APBA2: variants seen among roughly 807,000 people sequenced by gnomAD.
APBA2 encodes amyloid-beta A4 precursor protein-binding family A member 2.
A neutral mutation model predicts 75.0 loss-of-function variants in APBA2; 30 were observed. The ratio of observed to expected loss-of-function variants is 0.40; its 90% CI spans 0.30 to 0.54. The LOEUF (loss-of-function observed/expected upper bound fraction) is 0.54, where lower values mean the gene tolerates loss of function less well. APBA2 is among the 20% of genes least tolerant of loss of function. The pLI, the probability that APBA2 is intolerant of heterozygous loss-of-function variation, is 0.49. For missense variants in APBA2, 801 were observed against 1,016.1 expected (o/e 0.79, Z 2.88); for synonymous variants, 444 against 409.6 (o/e 1.08, Z -1.01).
chr15:28,908,561 C>G (rs887632438), intron 1 of APBA2, among the ~76,000 whole-genome samples: 3 of 151,918 alleles, frequency 2.0e-5, no homozygotes, highest in African/African-American at 7.3e-5. Context: ...CACCCGCCTC[C>G]GCCTGTCAAA....
chr15:29,116,274 G>T (rs1039652570), intron 14 of APBA2, among the ~76,000 whole-genome samples: 6 of 152,084 alleles, frequency 3.9e-5, no homozygotes, highest in African/African-American at 1.4e-4. Flanking sequence ...GGTGCCCTGG[G>T]CCCCAGCGAG....
chr15:28,959,437 C>T (rs2036348349), intron 2 of APBA2, among the ~76,000 whole-genome samples: 1 of 152,206 alleles, frequency 6.6e-6, no homozygotes, highest in South Asian at 2.1e-4. Context: ...TTAATCCAAT[C>T]TGACTGATGT....
chr15:28,939,218 C>T (rs965807625), intron 2 of APBA2, among the ~76,000 whole-genome samples: 1 of 152,196 alleles, frequency 6.6e-6, no homozygotes, highest in African/African-American at 2.4e-5. Flanking sequence ...GAATAACACT[C>T]CATTGCGGGA....
intron 2 of APBA2, among the ~76,000 whole-genome samples, chr15:28,948,975 T>C (rs2152718778): frequency 6.6e-6 from 1 of 151,998 alleles, no homozygotes; most frequent in South Asian, 2.1e-4. Context: ...CAAGTCCAGC[T>C]CGAGGAAACA....
At chr15:29,036,431 G>A (rs1227776705) in intron 3 of APBA2, among the ~76,000 whole-genome samples, 2 of 152,214 alleles carry the variant, frequency 1.3e-5, no homozygotes, top group Non-Finnish European at 2.9e-5. Context: ...TAGCCACAGG[G>A]TGCACAGCTA....
intron 2 of APBA2, among the ~76,000 whole-genome samples, chr15:28,948,700 C>G (rs1021807009): frequency 2.0e-5 from 3 of 152,214 alleles, no homozygotes; most frequent in Non-Finnish European, 4.4e-5. Context: ...TAGGCAGATA[C>G]TGTAAACGCT....
In APBA2 at chr15:29,054,413, G is replaced by T. The variant is rs1206411930; in HGVS notation, c.529G>T (p.Ala177Ser). 1.9e-6 allele frequency: 3 copies of T among 1,614,150 alleles called. No homozygotes were observed. In the South Asian group the frequency reaches 3.3e-5, roughly 18 times the overall value. ...GGAGGATGAGCCCTCCGTCCTTGAG[G>T]CCCATGACCAGGAAGAAGATGGTCA... ...IPEDEPSVLEAHDQEEDGHYC... is the reference protein window; with the variant it reads ...IPEDEPSVLESHDQEEDGHYC... Residue 177 changes from alanine (A) to serine (S), a missense_variant, in exon 4 of 15, where the codon GCC becomes TCC. By Grantham distance (99) the Ala-to-Ser change is moderately conservative. Coordinates refer to ENST00000683413, the MANE Select transcript of APBA2 (RefSeq NM_001353788.2). The surrounding 1 kb of genome is among the most constrained non-coding windows in gnomAD (Gnocchi z 6.1).
At chr15:29,034,044 C>T (rs969080915) in intron 3 of APBA2, among the ~76,000 whole-genome samples, 4 of 150,850 alleles carry the variant, frequency 2.7e-5, no homozygotes, top group South Asian at 2.1e-4. Flanking sequence ...AAAGCTTTGG[C>T]GTCCTCAGAG....
intron 3 of APBA2, among the ~76,000 whole-genome samples, chr15:29,024,319 C>G (rs1401588823): frequency 2.0e-5 from 3 of 152,184 alleles, no homozygotes; most frequent in Non-Finnish European, 2.9e-5. Flanking sequence ...ATCATAGTAA[C>G]AGCATTCACA....
intron 2 of APBA2, among the ~76,000 whole-genome samples, chr15:28,936,569 G>T (rs529737695): frequency 6.6e-6 from 1 of 152,170 alleles, no homozygotes. Flanking sequence ...GTGCCTGCGC[G>T]TTAGGCACGT....
At chr15:29,079,789 G>T (rs1206556366) in intron 6 of APBA2, among the ~76,000 whole-genome samples, 1 of 152,154 alleles carries the variant, frequency 6.6e-6, no homozygotes, top group Admixed American at 6.5e-5. Context: ...CTCAGCTTAT[G>T]CCTTATTTCA....
chr15:29,020,739 G>A (rs1329079987), intron 3 of APBA2, among the ~76,000 whole-genome samples: 2 of 152,120 alleles, frequency 1.3e-5, no homozygotes, highest in Non-Finnish European at 2.9e-5. Flanking sequence ...GAACCCGGGA[G>A]GCAGAGGTTG....
At chr15:28,914,938 C>A (rs1329525776) in intron 1 of APBA2, among the ~76,000 whole-genome samples, 2 of 151,762 alleles carry the variant, frequency 1.3e-5, no homozygotes, top group African/African-American at 4.9e-5. Context: ...ACACACCACA[C>A]ACATACCATG....
At chr15:28,960,076 C>T (rs917597669) in intron 2 of APBA2, among the ~76,000 whole-genome samples, 1 of 138,886 alleles carries the variant, frequency 7.2e-6, no homozygotes, top group Non-Finnish European at 1.5e-5. Context: ...GCCCAGGAGG[C>T]GGAGGTTACA....
chr15:28,918,709 G>C lies in APBA2; in HGVS notation c.-204-2931G>C, dbSNP rs949394490. 6.6e-6 allele frequency among the ~76,000 whole-genome samples: 1 copy of C among 152,122 alleles called. No individual in the cohort carries two copies. Among genetic ancestry groups the C allele is most frequent in the Admixed American group, 6.5e-5 (1 of 15,272 alleles). ...GAGGGGGCTGCAGAGGCTACTGCTG[G>C]GCCTGGTGTCGCCATGGCAGCTGGA... On this transcript the variant is annotated intron_variant, in intron 1 of 14. Coordinates refer to ENST00000683413, the MANE Select transcript of APBA2 (RefSeq NM_001353788.2). This position sits in a 1 kb window ranked among gnomAD's most constrained non-coding sequence, Gnocchi z 4.2.
intron 6 of APBA2, among the ~76,000 whole-genome samples, chr15:29,088,523 G>T (rs1215592781): frequency 1.3e-5 from 2 of 152,072 alleles, no homozygotes; most frequent in Non-Finnish European, 2.9e-5. Context: ...TCTTCTCTCA[G>T]ACTCCAGTCC....
chr15:28,938,142 C>G (rs77329747), intron 2 of APBA2, among the ~76,000 whole-genome samples: 5,138 of 152,212 alleles, frequency 0.034, 295 homozygotes, highest in African/African-American at 0.12. Flanking sequence ...TTAGGAGCCT[C>G]CAGAGCAGAG....
chr15:28,984,130 G>C (rs2037771746), intron 2 of APBA2, among the ~76,000 whole-genome samples: 1 of 152,166 alleles, frequency 6.6e-6, no homozygotes. Flanking sequence ...GATCGGGGAG[G>C]CTAGTCTGGG....
chr15:29,044,475 G>A (rs1374592630), intron 3 of APBA2: 1 of 152,134 alleles, frequency 6.6e-6, no homozygotes, highest in Admixed American at 6.5e-5. Flanking sequence ...CAGATGGTGT[G>A]TTGTACAGGA....
Sources: allele counts gnomAD v4.1 joint callset (sites outside exome capture counted in the v4.1 genomes callset), GRCh38; gene constraint gnomAD v4.1.1; non-coding constraint Gnocchi (gnomAD v3.1); transcripts MANE v1.5; gene names NCBI Gene and HGNC (gene_info 2026-07-23, HGNC 2026-07-21).